MFN1: variants seen among roughly 807,000 people sequenced by gnomAD.
MFN1 encodes mitofusin-1.
A neutral mutation model predicts 92.4 loss-of-function variants in MFN1; 65 were observed. The observed-to-expected ratio is 0.70, with a 90% confidence interval of 0.58 to 0.86. The LOEUF (loss-of-function observed/expected upper bound fraction) is 0.86, where lower values mean the gene tolerates loss of function less well. MFN1 is among the 40% of genes least tolerant of loss of function. The probability of loss-of-function intolerance (pLI) is 0.00; values close to 1 mark genes in which losing one functional copy is unlikely to be tolerated. For missense variants in MFN1, 781 were observed against 868.0 expected, an observed-to-expected ratio of 0.90 and a Z score of 1.26; for synonymous variants, 297 against 300.9, an observed-to-expected ratio of 0.99 and a Z score of 0.13.
In MFN1 at chr3:179,362,477, A is replaced by AT. The variant is rs771868747; in HGVS notation, c.531_532insT (p.Asp178Ter). 1 of 1,612,738 alleles carries AT rather than the reference A, an allele frequency of 6.2e-7. No homozygotes were observed. The highest frequency in any genetic ancestry group is 1.3e-5 in the African/African-American group (1 of 74,892). On this transcript the variant is annotated frameshift_variant, in exon 5 of 18. Coordinates refer to ENST00000471841, the MANE Select transcript of MFN1 (RefSeq NM_033540.3). LOFTEE classifies it high-confidence loss of function. ...TCTTGAGAGATGACCTGGTGTTAGT[A>AT]GACAGGTAAAATTACATGTGGATTG...
At chr3:179,376,937 T>A in intron 10 of MFN1, 105 bp from the exon 11 acceptor site, 1 of 1,095,502 alleles carries the variant, frequency 9.1e-7, no homozygotes, top group Non-Finnish European at 1.3e-6. Flanking sequence ...TTTTTTTTCC[T>A]TGAGTCATGC....
chr3:179,360,842 A>C (rs1712546375), intron 4 of MFN1, among the ~76,000 whole-genome samples: 1 of 152,188 alleles, frequency 6.6e-6, no homozygotes, highest in South Asian at 2.1e-4. Flanking sequence ...AAATGAGATG[A>C]TGTTTATGAA....
chr3:179,370,506 G>A (rs1174562420), intron 9 of MFN1, among the ~76,000 whole-genome samples: 10 of 150,710 alleles, frequency 6.6e-5, no homozygotes, highest in Non-Finnish European at 7.4e-5. Flanking sequence ...CCGGCTCCTG[G>A]GTTCAAGGGA....
chr3:179,377,228 TA>T (rs1713274530), intron 11 of MFN1, 60 bp downstream of exon 11: 3 of 1,563,186 alleles, frequency 1.9e-6, no homozygotes, highest in African/African-American at 2.7e-5. Context: ...TTGATAATGC[TA>T]AAAATGTTAT....
chr3:179,371,311 A>G (rs183581111), intron 9 of MFN1, among the ~76,000 whole-genome samples: 36 of 152,018 alleles, frequency 2.4e-4, no homozygotes, highest in Middle Eastern at 3.4e-3. Context: ...GATTGAGATC[A>G]GGTTGGGCAA....
intron 14 of MFN1, among the ~76,000 whole-genome samples, chr3:179,380,804 T>A (rs772750129): frequency 6.6e-6 from 1 of 151,750 alleles, no homozygotes; most frequent in Non-Finnish European, 1.5e-5. Context: ...GCACAAGGAG[T>A]TTAGGATGAA....
intron 2 of MFN1, among the ~76,000 whole-genome samples, chr3:179,350,151 CAAA>C (rs796379073): frequency 1.5e-5 from 2 of 131,670 alleles, no homozygotes; most frequent in Non-Finnish European, 3.3e-5. Context: ...GACTCCATTT[CAAA>C]AAAAAAAAAA....
At chr3:179,350,948 C>T (rs373109363) in intron 2 of MFN1, among the ~76,000 whole-genome samples, 4 of 152,094 alleles carry the variant, frequency 2.6e-5, no homozygotes, top group South Asian at 4.1e-4. Flanking sequence ...ACTCTGCCTC[C>T]GGATTCAAGT....
At chr3:179,348,798 C>T (rs1166732730) in intron 1 of MFN1, 47 bp from the exon 2 acceptor site, 10 of 1,590,878 alleles carry the variant, frequency 6.3e-6, no homozygotes, top group Non-Finnish European at 4.3e-6. Flanking sequence ...GTTTGCATGT[C>T]TATCATCCAC....
rs1427863094 is a variant in MFN1 at position 179,374,381 on chromosome 3, C to CATATATATGTAATAT, written c.976-832_976-831insTGTAATATATATATA. 1.0e-4 allele frequency among the ~76,000 whole-genome samples: 4 copies of CATATATATGTAATAT among 39,722 alleles called. No individual in the cohort carries two copies. In the African/African-American group the frequency reaches 1.3e-3, roughly 13 times the overall value. The allele number at this position is 39,722 out of a possible 152,430, so 26.1% of individuals were successfully genotyped here. A position where few individuals can be genotyped will look rare whatever the true frequency, so the allele number is the denominator to read the frequency against. On this transcript the variant is annotated intron_variant, in intron 9 of 17. Coordinates refer to ENST00000471841, the MANE Select transcript of MFN1 (RefSeq NM_033540.3). ...ACATATATATGTAATATATATATAA[C>CATATATATGTAATAT]ATATATAACATATATATGTAATATA...
intron 14 of MFN1, among the ~76,000 whole-genome samples, chr3:179,385,282 G>T (rs539422454): frequency 1.4e-3 from 205 of 147,076 alleles, no homozygotes; most frequent in Non-Finnish European, 2.5e-3. Flanking sequence ...TGCTTTTGTT[G>T]TTAGTTTTTT....
At chr3:179,378,128 G>A (rs1451542991) in intron 12 of MFN1, 4 of 532,084 alleles carry the variant, frequency 7.5e-6, no homozygotes, top group Non-Finnish European at 9.9e-6. Context: ...GGAGTCTGAG[G>A]CAGGAGGATC....
chr3:179,371,946 AAAT>A (rs1713035268), intron 9 of MFN1, among the ~76,000 whole-genome samples: 1 of 151,354 alleles, frequency 6.6e-6, no homozygotes, highest in Non-Finnish European at 1.5e-5. Flanking sequence ...TCAGGAAGGA[AAAT>A]AATACATAAG....
intron 2 of MFN1, among the ~76,000 whole-genome samples, chr3:179,349,488 G>A (rs1184999103): frequency 6.6e-6 from 1 of 151,696 alleles, no homozygotes; most frequent in Non-Finnish European, 1.5e-5. Flanking sequence ...GATGAGGAAT[G>A]TCATGTCTTA....
At chr3:179,386,718 A>G in intron 16 of MFN1, 89 bp downstream of exon 16, 5 of 1,188,214 alleles carry the variant, frequency 4.2e-6, no homozygotes, top group Non-Finnish European at 6.0e-6. Context: ...TGTATTGCTC[A>G]AAGAATTATC....
chr3:179,364,495 G>C, intron 6 of MFN1, 90 bp downstream of exon 6: 1 of 1,051,052 alleles, frequency 9.5e-7, no homozygotes, highest in East Asian at 2.6e-5. Context: ...TCCATATCGT[G>C]GATTAGAAAA....
chr3:179,368,806 G>A (rs1186629672), intron 9 of MFN1, among the ~76,000 whole-genome samples: 1 of 152,142 alleles, frequency 6.6e-6, no homozygotes, highest in African/African-American at 2.4e-5. Context: ...ATTTTGCCCT[G>A]TATAATTCAT....
intron 4 of MFN1, among the ~76,000 whole-genome samples, chr3:179,360,412 G>A (rs972991734): frequency 1.3e-5 from 2 of 152,032 alleles, no homozygotes; most frequent in Non-Finnish European, 2.9e-5. Context: ...ATATGTATCT[G>A]TGTTTTTAGA....
chr3:179,358,947 A>G lies in MFN1; in HGVS notation c.356A>G (p.Asp119Gly), dbSNP rs756289582. 16 of 1,614,056 alleles carry G rather than the reference A, an allele frequency of 9.9e-6. No individual in the cohort carries two copies. The highest frequency in any genetic ancestry group is 1.4e-5 in the Non-Finnish European group (16 of 1,179,980). Residue 119 changes from aspartate to glycine, a missense_variant, in exon 4 of 18, where the codon GAT (aspartate) becomes GGT (glycine). Physicochemically the swap from Asp to Gly is moderately conservative, Grantham distance 94. Transcript: ENST00000471841. ...TNCFLSVEGT[D>G]GDKAYLMTEG... ...TGCTTCCTAAGTGTTGAAGGAACTG[A>G]TGGAGATAAAGCCTATCTTATGACA... is the stretch of plus-strand genomic sequence containing the variant.
Sources: gnomAD v4.1 joint callset for allele counts (sites outside exome capture counted in the v4.1 genomes callset) on GRCh38, gnomAD v4.1.1 for gene constraint, MANE v1.5 for transcripts, NCBI Gene and HGNC (gene_info 2026-07-23, HGNC 2026-07-21) for gene names.